The following TAS2R1 variants were observed in gnomAD, a reference collection of about 807,000 sequenced individuals.
The protein encoded by TAS2R1 is taste receptor type 2 member 1.
For missense variants in TAS2R1, 370 were observed against 353.4 expected, an observed-to-expected ratio of 1.05 and a Z score of -0.38; for synonymous variants, 141 against 134.2, an observed-to-expected ratio of 1.05 and a Z score of -0.35.
chr5:9,817,839 G>A, the TAS2R1 span, among the ~76,000 whole-genome samples: 7 of 151,630 alleles, frequency 4.6e-5, no homozygotes, highest in Admixed American at 1.3e-4. Flanking sequence ...AAGGGGAAGC[G>A]AGCCTTGTCT....
At chr5:9,883,504 C>T in the TAS2R1 span, 1 of 152,132 alleles carries the variant, frequency 6.6e-6, no homozygotes, top group Admixed American at 6.5e-5. Context: ...ATTTCGTACA[C>T]ATCAAGAATT....
At chr5:9,677,131 T>C (rs1740893262) in intron 1 of TAS2R1, among the ~76,000 whole-genome samples, 1 of 152,142 alleles carries the variant, frequency 6.6e-6, no homozygotes, top group African/African-American at 2.4e-5. Flanking sequence ...TGGAAACCAT[T>C]ATCGTTAGCA....
At chr5:9,746,924 A>G in the TAS2R1 span, among the ~76,000 whole-genome samples, 1 of 152,230 alleles carries the variant, frequency 6.6e-6, no homozygotes, top group African/African-American at 2.4e-5. Context: ...CCCAGAAGTT[A>G]AAGTAAAATA....
intron 1 of TAS2R1, among the ~76,000 whole-genome samples, chr5:9,688,404 T>C (rs1231606780): frequency 2.0e-5 from 3 of 152,202 alleles, no homozygotes; most frequent in African/African-American, 7.2e-5. Flanking sequence ...ATGGATGTTG[T>C]TATCTTCTCA....
At chr5:9,747,812 CT>C in the TAS2R1 span, among the ~76,000 whole-genome samples, 336 of 146,008 alleles carry the variant, frequency 2.3e-3, 3 homozygotes, top group East Asian at 0.02. Flanking sequence ...AGATTTGTAA[CT>C]TTTTTTTTTT....
At chr5:9,886,881 T>C in the TAS2R1 span, among the ~76,000 whole-genome samples, 2 of 151,844 alleles carry the variant, frequency 1.3e-5, no homozygotes, top group Admixed American at 6.6e-5. Flanking sequence ...AAATAAAAGT[T>C]AAAAATAATA....
chr5:9,640,947 G>A (rs1171336992), intron 2 of TAS2R1, among the ~76,000 whole-genome samples: 1 of 152,124 alleles, frequency 6.6e-6, no homozygotes, highest in Non-Finnish European at 1.5e-5. Context: ...CACCAGCATG[G>A]AGTTCATCCC....
chr5:9,794,591 A>C, the TAS2R1 span, among the ~76,000 whole-genome samples: 1 of 152,200 alleles, frequency 6.6e-6, no homozygotes, highest in Non-Finnish European at 1.5e-5. Context: ...AGGTTAAGAA[A>C]AAATTAATTT....
intron 1 of TAS2R1, among the ~76,000 whole-genome samples, chr5:9,670,908 C>T (rs773187539): frequency 6.6e-6 from 1 of 152,066 alleles, no homozygotes; most frequent in Non-Finnish European, 1.5e-5. Context: ...TACTAGAAAA[C>T]CAAATCCAGC....
intron 1 of TAS2R1, among the ~76,000 whole-genome samples, chr5:9,689,640 C>G (rs1194298906): frequency 6.6e-6 from 1 of 151,876 alleles, no homozygotes; most frequent in African/African-American, 2.4e-5. Context: ...GCTTGAGAGT[C>G]TTTTGTTTGT....
the TAS2R1 span, among the ~76,000 whole-genome samples, chr5:9,881,409 A>G: frequency 3.9e-5 from 6 of 152,326 alleles, no homozygotes; most frequent in African/African-American, 1.4e-4. Flanking sequence ...GAAAGAATCA[A>G]TATCATGAAA....
chr5:9,755,358 C>A, the TAS2R1 span, among the ~76,000 whole-genome samples: 2 of 152,220 alleles, frequency 1.3e-5, no homozygotes, highest in African/African-American at 4.8e-5. Flanking sequence ...GAGGCTGAGG[C>A]AGGTGGATTG....
At chr5:9,889,704 G>A in the TAS2R1 span, 1 of 152,208 alleles carries the variant, frequency 6.6e-6, no homozygotes, top group African/African-American at 2.4e-5. Flanking sequence ...CCTCATGTGA[G>A]AGGTCATGGA....
intron 1 of TAS2R1, among the ~76,000 whole-genome samples, chr5:9,706,295 A>C (rs42224): frequency 1.3e-5 from 2 of 152,186 alleles, no homozygotes. Flanking sequence ...AGCCCTGGCC[A>C]TACTCAGAAC....
chr5:9,763,528 T>G, the TAS2R1 span, among the ~76,000 whole-genome samples: 54 of 151,600 alleles, frequency 3.6e-4, no homozygotes, highest in East Asian at 0.01. Flanking sequence ...AGAAAAATTA[T>G]GTATGAGAGA....
chr5:9,712,827 G>C (rs1196619598), upstream of TAS2R1, among the ~76,000 whole-genome samples: 1 of 150,834 alleles, frequency 6.6e-6, no homozygotes, highest in East Asian at 2.0e-4. Flanking sequence ...ATATTAGTTA[G>C]GGTTCTCCAA....
chr5:9,721,387 A>C, the TAS2R1 span, among the ~76,000 whole-genome samples: 1 of 152,182 alleles, frequency 6.6e-6, no homozygotes, highest in East Asian at 1.9e-4. Context: ...CTTTGATCTT[A>C]ACTCTCCCAA....
chr5:9,849,484 G>T, the TAS2R1 span, among the ~76,000 whole-genome samples: 34 of 152,308 alleles, frequency 2.2e-4, no homozygotes, highest in African/African-American at 7.5e-4. Flanking sequence ...GATGTAATCT[G>T]CCCAATGCTG....
At chr5:9,774,030 C>G in the TAS2R1 span, among the ~76,000 whole-genome samples, 1 of 152,156 alleles carries the variant, frequency 6.6e-6, no homozygotes, top group East Asian at 1.9e-4. Context: ...TTTTCCACCT[C>G]CTCTTTAAGA....
Sources: allele counts gnomAD v4.1 joint callset (sites outside exome capture counted in the v4.1 genomes callset), GRCh38; gene constraint gnomAD v4.1.1; transcripts MANE v1.5; gene names NCBI Gene and HGNC (gene_info 2026-07-23, HGNC 2026-07-21).